The following PIP5K1B variants were observed in gnomAD, a reference collection of about 807,000 sequenced individuals.
The protein encoded by PIP5K1B is phosphatidylinositol 4-phosphate 5-kinase type-1 beta.
Under a neutral mutation model 67.0 loss-of-function variants are expected in PIP5K1B, and 42 were observed. That is an observed-to-expected ratio of 0.63 (90% CI 0.49 to 0.81). PIP5K1B has a LOEUF of 0.81. Ranked by LOEUF, PIP5K1B falls within the 30% of genes least tolerant of loss-of-function variation. PIP5K1B has a pLI of 0.00. For missense variants in PIP5K1B, 459 were observed against 646.3 expected (o/e 0.71, Z 3.14); for synonymous variants, 214 against 231.4 (o/e 0.92, Z 0.68).
At chr9:69,004,402 G>A (rs1424800381) in intron 15 of PIP5K1B, among the ~76,000 whole-genome samples, 1 of 151,672 alleles carries the variant, frequency 6.6e-6, no homozygotes, top group East Asian at 1.9e-4. Context: ...GAGCTGAAAT[G>A]TCACTCCAGG....
At chr9:68,779,982 G>A in intron 2 of PIP5K1B, 3 of 723,776 alleles carry the variant, frequency 4.1e-6, no homozygotes, top group Non-Finnish European at 6.1e-6. Context: ...CACATATTAC[G>A]CATTAAGCAG....
In PIP5K1B at chr9:68,863,967, G is replaced by T; in HGVS notation, c.200G>T (p.Ser67Ile). The change falls in exon 5 of 16, where the codon AGC (serine) becomes ATC (isoleucine). Residue 67 changes from serine to isoleucine, a missense_variant and splice_region_variant. Physicochemically the swap from Ser to Ile is moderately radical, Grantham distance 142. This residue lies in a region of PIP5K1B where 290 missense variants were observed against 474.4 expected (regional missense o/e 0.61). Transcript: ENST00000265382. ...FYVVESVFLP[S>I]EGSNLTPAHH... ...GTGGTGGAAAGTGTGTTCCTACCCA[G>T]GTAAGAACATTTTTATTTGTGATGA... 1 of 1,613,016 alleles carries T rather than the reference G, an allele frequency of 6.2e-7. No homozygotes were observed. The highest frequency in any genetic ancestry group is 8.5e-7 in the Non-Finnish European group (1 of 1,179,564).
intron 14 of PIP5K1B, among the ~76,000 whole-genome samples, chr9:68,988,518 T>C: frequency 6.7e-6 from 1 of 149,404 alleles, no homozygotes; most frequent in East Asian, 2.0e-4. Flanking sequence ...GGTGCAATCT[T>C]GACTCACTGC....
At chr9:68,763,392 G>C (rs1830273965) in intron 2 of PIP5K1B, among the ~76,000 whole-genome samples, 1 of 152,076 alleles carries the variant, frequency 6.6e-6, no homozygotes, top group Non-Finnish European at 1.5e-5. Flanking sequence ...ACCTTGTGGG[G>C]TTTTGTGAGT....
At chr9:68,768,457 G>C (rs1437176912) in intron 2 of PIP5K1B, among the ~76,000 whole-genome samples, 1 of 152,214 alleles carries the variant, frequency 6.6e-6, no homozygotes, top group African/African-American at 2.4e-5. Flanking sequence ...ACTTTATGGA[G>C]CAGTGATCAT....
intron 2 of PIP5K1B, chr9:68,789,128 C>T (rs1831810161): frequency 1.7e-6 from 1 of 579,744 alleles, no homozygotes; most frequent in Non-Finnish European, 3.4e-6. Context: ...CAAAATAGGC[C>T]TCATTGTTGG....
At chr9:68,709,939 A>G (rs564554201) in intron 1 of PIP5K1B, among the ~76,000 whole-genome samples, 85 of 152,312 alleles carry the variant, frequency 5.6e-4, no homozygotes, top group African/African-American at 1.9e-3. Context: ...ACACAAATGT[A>G]TGCTGGTATT....
Position 68,760,079 on chromosome 9 carries a change from A to G in PIP5K1B, c.-86+17422A>G, listed in dbSNP as rs560446007. On this transcript the variant is annotated intron_variant, in intron 2 of 15. Transcript: ENST00000265382. ...ATTAAGGCTAACAAATGTAGGGCTA[A>G]ATGTATTAAATTTAGTAATACAATA... 3.0e-4 allele frequency among the ~76,000 whole-genome samples: 45 copies of G among 152,246 alleles called. 1 individual carries two copies. In the South Asian group the frequency reaches 7.7e-3, roughly 26 times the overall value.
chr9:68,833,806 G>A (rs987712834), intron 4 of PIP5K1B, among the ~76,000 whole-genome samples: 21 of 152,232 alleles, frequency 1.4e-4, no homozygotes, highest in Admixed American at 9.2e-4. Flanking sequence ...GCACCTGGGT[G>A]GATGCTGTGA....
intron 8 of PIP5K1B, 94 bp from the exon 9 acceptor site, chr9:68,917,454 T>C (rs1351995985): frequency 2.3e-6 from 2 of 856,312 alleles, no homozygotes; most frequent in East Asian, 4.8e-5. Context: ...TAACAGGAGC[T>C]GTGTGTCTGT....
chr9:68,989,094 CAAAAAAAAAAA>C lies in PIP5K1B; in HGVS notation c.1503-2030_1503-2020del, dbSNP rs71353097. On this transcript the variant is annotated intron_variant, in intron 14 of 15. Coordinates refer to ENST00000265382, the MANE Select transcript of PIP5K1B (RefSeq NM_003558.4). ...TGGCTGACAGAGCAAGACTCCGTCT[CAAAAAAAAAAA>C]AAAAAAAAAAAAAAATCCACACAAT... is the stretch of plus-strand genomic sequence containing the variant. Among the ~76,000 whole-genome samples, 10 of 55,996 alleles carry C rather than the reference CAAAAAAAAAAA, an allele frequency of 1.8e-4. No individual in the cohort carries two copies. The East Asian group carries it at 3.7e-3, about 21-fold the overall frequency. The allele number at this position is 55,996 out of a possible 152,430, so 36.7% of individuals were successfully genotyped here.
intron 2 of PIP5K1B, among the ~76,000 whole-genome samples, chr9:68,774,887 TCTCA>T (rs1427692824): frequency 6.6e-6 from 1 of 152,226 alleles, no homozygotes; most frequent in Non-Finnish European, 1.5e-5. Context: ...GCAACTGAAG[TCTCA>T]CTCAGATAGT....
intron 2 of PIP5K1B, among the ~76,000 whole-genome samples, chr9:68,770,984 C>G (rs1311830066): frequency 6.6e-6 from 1 of 152,168 alleles, no homozygotes; most frequent in Non-Finnish European, 1.5e-5. Flanking sequence ...GCATATCGAT[C>G]ATAGTTAAAA....
chr9:68,767,242 C>T (rs1830468248), intron 2 of PIP5K1B, among the ~76,000 whole-genome samples: 1 of 152,192 alleles, frequency 6.6e-6, no homozygotes, highest in African/African-American at 2.4e-5. Flanking sequence ...CCTGTATGTG[C>T]ACACACTGCA....
chr9:68,722,434 C>T (rs905389837), intron 1 of PIP5K1B, among the ~76,000 whole-genome samples: 14 of 151,750 alleles, frequency 9.2e-5, no homozygotes, highest in Non-Finnish European at 1.8e-4. Flanking sequence ...AGGCTGGTCT[C>T]GAACTCCTGA....
At chr9:68,716,794 G>A (rs990010187) in intron 1 of PIP5K1B, among the ~76,000 whole-genome samples, 2 of 152,138 alleles carry the variant, frequency 1.3e-5, no homozygotes, top group Non-Finnish European at 2.9e-5. Context: ...GCACTCACAC[G>A]TTCATTGCAG....
intron 5 of PIP5K1B, among the ~76,000 whole-genome samples, chr9:68,874,042 C>T (rs896407630): frequency 3.9e-5 from 6 of 152,168 alleles, no homozygotes; most frequent in South Asian, 2.1e-4. Flanking sequence ...TTTCCATTCA[C>T]GCAAATACAG....
intron 14 of PIP5K1B, among the ~76,000 whole-genome samples, chr9:68,963,690 A>G (rs976328562): frequency 6.6e-6 from 1 of 152,172 alleles, no homozygotes; most frequent in Non-Finnish European, 1.5e-5. Flanking sequence ...TCCCCAGATC[A>G]GGGACCTTTA....
At chr9:68,917,481 G>T in intron 8 of PIP5K1B, 67 bp from the exon 9 acceptor site, 1 of 1,113,998 alleles carries the variant, frequency 9.0e-7, no homozygotes, top group Non-Finnish European at 1.4e-6. Flanking sequence ...AGAGCTCTCT[G>T]ATAATGAGTA....
Sources: allele counts gnomAD v4.1 joint callset (sites outside exome capture counted in the v4.1 genomes callset), GRCh38; gene constraint gnomAD v4.1.1; regional missense constraint gnomAD v4.1.1; transcripts MANE v1.5; gene names NCBI Gene and HGNC (gene_info 2026-07-23, HGNC 2026-07-21).